Variants in NFIB observed in about 807,000 individuals in gnomAD.
NFIB encodes the protein nuclear factor I B, also known as nuclear factor 1 B-type.
A neutral mutation model predicts 61.5 loss-of-function variants in NFIB; 11 were observed. The ratio of observed to expected loss-of-function variants is 0.18; its 90% confidence interval spans 0.11 to 0.30. The LOEUF (loss-of-function observed/expected upper bound fraction) is 0.30, where lower values mean the gene tolerates loss of function less well. Among genes scored for constraint, NFIB ranks in the 10% least tolerant of loss-of-function variants. The pLI is 1.00. For missense variants in NFIB, 471 were observed against 608.9 expected, an observed-to-expected ratio of 0.77 and a Z score of 2.38; for synonymous variants, 260 against 216.5, an observed-to-expected ratio of 1.20 and a Z score of -1.76.
chr9:14,163,014 T>C (rs556058041), intron 3 of NFIB, among the ~76,000 whole-genome samples: 36 of 152,190 alleles, frequency 2.4e-4, no homozygotes, highest in Non-Finnish European at 4.0e-4. Context: ...CCATTTACTA[T>C]GTAAACCTAA....
the NFIB span, among the ~76,000 whole-genome samples, chr9:14,408,094 G>C: frequency 6.6e-6 from 1 of 152,150 alleles, no homozygotes; most frequent in South Asian, 2.1e-4. Context: ...CTAGTTTCAA[G>C]AAATTGCCAA....
At chr9:14,419,826 A>G in the NFIB span, among the ~76,000 whole-genome samples, 475 of 152,376 alleles carry the variant, frequency 3.1e-3, no homozygotes, top group Middle Eastern at 0.024. Context: ...ACCCCAGGAC[A>G]TATGAGGCGA....
At position 14,230,609 on chromosome 9, in the gene NFIB, G is replaced by A. The variant is rs1355125948; in HGVS notation, c.563-50829C>T. ...AACTAAAAATACATGAAAGAGAAAA[G>A]GAAGATTAGCTTAAGCTTAGACTTA... On this transcript the variant is annotated intron_variant, in intron 2 of 10. Coordinates refer to ENST00000380953, the MANE Select transcript of NFIB (RefSeq NM_001190737.2). Among the ~76,000 whole-genome samples, 3 of 152,074 alleles carry A rather than the reference G, an allele frequency of 2.0e-5. No individual in the cohort carries two copies. In the East Asian group the frequency reaches 5.8e-4, roughly 29 times the overall value.
the NFIB span, among the ~76,000 whole-genome samples, chr9:14,502,493 AC>A: frequency 1.4e-3 from 206 of 152,254 alleles, no homozygotes; most frequent in African/African-American, 4.6e-3. Context: ...GTGGTGCAAA[AC>A]CTTTTTTGCT....
At chr9:14,303,825 G>C (rs889453121) in intron 2 of NFIB, among the ~76,000 whole-genome samples, 1 of 152,138 alleles carries the variant, frequency 6.6e-6, no homozygotes, top group African/African-American at 2.4e-5. Flanking sequence ...CGAAACAGCC[G>C]AAGCGCAGCC....
At chr9:14,424,953 G>A in the NFIB span, among the ~76,000 whole-genome samples, 1 of 152,182 alleles carries the variant, frequency 6.6e-6, no homozygotes, top group Non-Finnish European at 1.5e-5. Context: ...GGTGGAAAGT[G>A]AATTGATCAG....
Position 14,302,150 on chromosome 9 carries a change from C to G in NFIB, c.562+4839G>C, listed in dbSNP as rs546299549. 6.6e-5 allele frequency among the ~76,000 whole-genome samples: 10 copies of G among 152,312 alleles called. No homozygotes were observed. The South Asian group carries it at 8.3e-4, about 13-fold the overall frequency. ...TATTTTTTCCCATAATGGGAAATAC[C>G]TGCAGATGAAGTGAAATCTATTAAA... On this transcript the variant is annotated intron_variant, in intron 2 of 10. Transcript: ENST00000380953.
intron 1 of NFIB, among the ~76,000 whole-genome samples, chr9:14,329,327 A>G (rs1017494778): frequency 1.1e-4 from 16 of 152,232 alleles, no homozygotes; most frequent in African/African-American, 3.6e-4. Context: ...TCTGTGTGCC[A>G]GTATGAGCAG....
intron 2 of NFIB, among the ~76,000 whole-genome samples, chr9:14,203,577 T>G: frequency 6.6e-6 from 1 of 152,316 alleles, no homozygotes; most frequent in African/African-American, 2.4e-5. Context: ...CCAGGAGCTC[T>G]CCGCGCGGGC....
intron 1 of NFIB, among the ~76,000 whole-genome samples, chr9:14,370,082 C>G (rs561550619): frequency 6.6e-6 from 1 of 152,290 alleles, no homozygotes; most frequent in South Asian, 2.1e-4. Flanking sequence ...CTCCAAACAC[C>G]CAGTACATTT....
At chr9:14,180,226 C>T (rs532829282) in intron 2 of NFIB, among the ~76,000 whole-genome samples, 3 of 152,258 alleles carry the variant, frequency 2.0e-5, no homozygotes, top group African/African-American at 7.2e-5. Flanking sequence ...AAATGAGAGT[C>T]CGCTTTTCCA....
At chr9:14,454,825 G>T in the NFIB span, among the ~76,000 whole-genome samples, 1 of 152,190 alleles carries the variant, frequency 6.6e-6, no homozygotes, top group African/African-American at 2.4e-5. Flanking sequence ...GAATTGACAT[G>T]TGTCATTCTG....
At chr9:14,232,938 G>A (rs1165529918) in intron 2 of NFIB, among the ~76,000 whole-genome samples, 1 of 152,130 alleles carries the variant, frequency 6.6e-6, no homozygotes, top group Non-Finnish European at 1.5e-5. Context: ...CAGTGGCCAG[G>A]GCCCATCTAG....
the NFIB span, among the ~76,000 whole-genome samples, chr9:14,466,191 G>C: frequency 6.6e-6 from 1 of 152,180 alleles, no homozygotes; most frequent in Admixed American, 6.5e-5. Flanking sequence ...GCCTGTCTGG[G>C]ATGGTGCAAG....
At chr9:14,271,627 T>G (rs768622141) in intron 2 of NFIB, among the ~76,000 whole-genome samples, 8 of 152,240 alleles carry the variant, frequency 5.3e-5, no homozygotes, top group Middle Eastern at 6.8e-3. Flanking sequence ...ATGGATCCTA[T>G]CTTTCCAAGT....
chr9:14,129,486 G>T (rs2040139642), intron 6 of NFIB, among the ~76,000 whole-genome samples: 1 of 151,202 alleles, frequency 6.6e-6, no homozygotes, highest in Non-Finnish European at 1.5e-5. Context: ...TAAAGATAGA[G>T]TTTCTAGCTA....
At chr9:14,383,997 C>T (rs987600722) in intron 1 of NFIB, among the ~76,000 whole-genome samples, 1 of 152,144 alleles carries the variant, frequency 6.6e-6, no homozygotes, top group Admixed American at 6.5e-5. Context: ...GAGAAAAGGC[C>T]GGGGTGCCCA....
the NFIB span, among the ~76,000 whole-genome samples, chr9:14,443,808 T>G: frequency 6.6e-6 from 1 of 152,212 alleles, no homozygotes; most frequent in Non-Finnish European, 1.5e-5. Flanking sequence ...AGAAACTGAC[T>G]TACAGATGTG....
chr9:14,416,561 A>G, the NFIB span, among the ~76,000 whole-genome samples: 25 of 152,228 alleles, frequency 1.6e-4, no homozygotes, highest in Admixed American at 1.3e-3. Context: ...TGCTTACAGA[A>G]TAATAATATA....
Sources: gnomAD v4.1 joint callset for allele counts (sites outside exome capture counted in the v4.1 genomes callset) on GRCh38, gnomAD v4.1.1 for gene constraint, MANE v1.5 for transcripts, NCBI Gene and HGNC (gene_info 2026-07-23, HGNC 2026-07-21) for gene names.